The following WAPL variants were observed in gnomAD, a reference collection of about 807,000 sequenced individuals.
WAPL encodes the protein wings apart-like protein homolog.
WAPL carries 5 observed loss-of-function variants against 121.0 expected under a neutral mutation model. The ratio of observed to expected loss-of-function variants is 0.04; its 90% CI spans 0.02 to 0.09. WAPL has a LOEUF of 0.09. WAPL is among the 10% of genes least tolerant of loss of function. WAPL has a pLI of 1.00. For missense variants in WAPL, 999 were observed against 1,410.8 expected, an observed-to-expected ratio of 0.71 and a Z score of 4.68; for synonymous variants, 480 against 481.5, an observed-to-expected ratio of 1.00 and a Z score of 0.04.
Position 86,461,188 on chromosome 10 carries a change from T to G in WAPL, c.2470A>C (p.Ile824Leu). ...GTAAATATCATACCTTTATCTACAATATGATCCAGACCACCCAAAAGCCGG... is the reference window on the plus strand; with the variant it reads ...GTAAATATCATACCTTTATCTACAAGATGATCCAGACCACCCAAAAGCCGG... ...ELRLLGGLDH[I>L]VDKVKECVDH... The change falls in exon 10 of 19, where the codon ATT (isoleucine) becomes CTT (leucine). Residue 824 changes from isoleucine (I) to leucine (L), a missense_variant. Coordinates refer to ENST00000298767, the MANE Select transcript of WAPL (RefSeq NM_015045.5). The G allele has an allele frequency of 6.2e-7, 1 of 1,612,146 alleles. No individual in the cohort carries two copies. The highest frequency in any genetic ancestry group is 8.5e-7 in the Non-Finnish European group (1 of 1,178,700).
chr10:86,516,700 G>A (rs1180199611), intron 2 of WAPL, among the ~76,000 whole-genome samples: 1 of 151,932 alleles, frequency 6.6e-6, no homozygotes, highest in African/African-American at 2.4e-5. Flanking sequence ...CCTTACAGAA[G>A]ACAGAACAAA....
At chr10:86,504,197 G>C (rs1367942081) in intron 2 of WAPL, among the ~76,000 whole-genome samples, 1 of 151,196 alleles carries the variant, frequency 6.6e-6, no homozygotes, top group East Asian at 1.9e-4. Context: ...TAAATAATAA[G>C]CCAAGAACAC....
In WAPL at chr10:86,453,442, C is replaced by T. The variant is rs144872941; in HGVS notation, c.2834-107G>A. On this transcript the variant is annotated intron_variant, in intron 13 of 18. Transcript: ENST00000298767. ...TTAACTTAGAATTGTATAGTCATTCCTCTATTGAAACATACTATTGATACT... is the reference window on the plus strand; with the variant it reads ...TTAACTTAGAATTGTATAGTCATTCTTCTATTGAAACATACTATTGATACT... 2.1e-3 allele frequency: 2,679 copies of T among 1,285,130 alleles called. 13 individuals carry two copies. Among genetic ancestry groups the T allele is most frequent in the Middle Eastern group, 0.013 (66 of 5,230 alleles). 79.6% of individuals were successfully genotyped at this position (1,285,130 alleles called of 1,614,324 possible).
chr10:86,505,630 G>A (rs549583456), intron 2 of WAPL, among the ~76,000 whole-genome samples: 2 of 151,918 alleles, frequency 1.3e-5, no homozygotes, highest in Non-Finnish European at 2.9e-5. Flanking sequence ...ACATATTTTT[G>A]TACCAGCCTC....
intron 4 of WAPL, among the ~76,000 whole-genome samples, chr10:86,490,225 C>A (rs1273440867): frequency 6.6e-6 from 1 of 151,088 alleles, no homozygotes; most frequent in African/African-American, 2.4e-5. Context: ...AAAAAAAAAA[C>A]ACATACACAC....
intron 7 of WAPL, 115 bp from the exon 8 acceptor site, chr10:86,471,218 C>T: frequency 1.5e-6 from 1 of 669,906 alleles, no homozygotes; most frequent in Non-Finnish European, 2.6e-6. Flanking sequence ...AAAGCATTGC[C>T]CATACATGAT....
intron 2 of WAPL, among the ~76,000 whole-genome samples, chr10:86,512,360 G>A (rs545997967): frequency 2.0e-5 from 3 of 152,364 alleles, no homozygotes; most frequent in African/African-American, 7.2e-5. Flanking sequence ...ATATTTGGCA[G>A]GATATGTAGA....
chr10:86,442,047 G>C (rs953563643), intron 17 of WAPL, among the ~76,000 whole-genome samples: 1 of 149,212 alleles, frequency 6.7e-6, no homozygotes, highest in African/African-American at 2.5e-5. Context: ...CTTTTTTTTT[G>C]AAACAGTCTC....
chr10:86,495,783 C>G (rs1842137718), intron 4 of WAPL, among the ~76,000 whole-genome samples: 1 of 152,062 alleles, frequency 6.6e-6, no homozygotes, highest in Non-Finnish European at 1.5e-5. Context: ...GATTAACATA[C>G]TACTACAACT....
chr10:86,483,769 C>CA (rs140276448), intron 4 of WAPL, among the ~76,000 whole-genome samples: 51,231 of 106,974 alleles, frequency 0.48, 11,236 homozygotes, highest in South Asian at 0.58. Flanking sequence ...AAGTTTTTAA[C>CA]AAAAAAAAAA....
chr10:86,459,747 A>C (rs946541211), intron 11 of WAPL, among the ~76,000 whole-genome samples: 1 of 152,238 alleles, frequency 6.6e-6, no homozygotes, highest in African/African-American at 2.4e-5. Flanking sequence ...TTAAAAATAA[A>C]ACCTGATTGC....
intron 8 of WAPL, among the ~76,000 whole-genome samples, chr10:86,469,708 T>G (rs1459790651): frequency 6.6e-6 from 1 of 152,190 alleles, no homozygotes; most frequent in East Asian, 1.9e-4. Context: ...CATCTAAAGA[T>G]TTAAACTTTG....
intron 4 of WAPL, among the ~76,000 whole-genome samples, chr10:86,494,374 G>A (rs991608441): frequency 2.4e-4 from 37 of 152,106 alleles, no homozygotes; most frequent in Admixed American, 2.4e-3. Flanking sequence ...CATCTTTACT[G>A]GAAAGATCGA....
chr10:86,461,002 C>G (rs561320191), intron 10 of WAPL, among the ~76,000 whole-genome samples, 174 bp downstream of exon 10: 8 of 152,118 alleles, frequency 5.3e-5, no homozygotes, highest in Non-Finnish European at 1.2e-4. Context: ...CATGAGCCAC[C>G]GTGCCCGGCC....
chr10:86,444,861 G>C (rs1175522009), intron 16 of WAPL, among the ~76,000 whole-genome samples: 2 of 46,976 alleles, frequency 4.3e-5, no homozygotes, highest in African/African-American at 1.7e-4. Context: ...CTTTTTAAAA[G>C]ACTGCTAAAA....
intron 1 of WAPL, among the ~76,000 whole-genome samples, chr10:86,518,543 A>C (rs1842605206): frequency 6.6e-6 from 1 of 152,208 alleles, no homozygotes; most frequent in Admixed American, 6.5e-5. Flanking sequence ...CCCCATCTCT[A>C]CTAAAAATAC....
chr10:86,507,365 CAAAA>C (rs34752630), intron 2 of WAPL, among the ~76,000 whole-genome samples: 15 of 77,686 alleles, frequency 1.9e-4, no homozygotes, highest in Admixed American at 1.0e-3. Flanking sequence ...GACTCTGTCT[CAAAA>C]AAAAAAAAAA....
chr10:86,486,194 C>T (rs535826846), intron 4 of WAPL, among the ~76,000 whole-genome samples: 1 of 152,292 alleles, frequency 6.6e-6, no homozygotes, highest in East Asian at 1.9e-4. Context: ...AGTGAGTCCC[C>T]ATACATATAA....
chr10:86,466,326 C>G (rs1045374118), intron 9 of WAPL, among the ~76,000 whole-genome samples: 6 of 152,136 alleles, frequency 3.9e-5, no homozygotes, highest in African/African-American at 1.4e-4. Flanking sequence ...AATCCCAACA[C>G]TTTGAGAGGC....
Sources: allele counts gnomAD v4.1 joint callset (sites outside exome capture counted in the v4.1 genomes callset), GRCh38; gene constraint gnomAD v4.1.1; transcripts MANE v1.5; gene names NCBI Gene and HGNC (gene_info 2026-07-23, HGNC 2026-07-21).